CD58: variants seen among roughly 807,000 people sequenced by gnomAD.
CD58 encodes the protein lymphocyte function-associated antigen 3.
In CD58, 14 loss-of-function variants were observed where a neutral mutation model predicts 27.6. The observed-to-expected ratio is 0.51, with a 90% CI of 0.34 to 0.79. The LOEUF (loss-of-function observed/expected upper bound fraction) is 0.79, where lower values mean the gene tolerates loss of function less well. Among genes scored for constraint, CD58 ranks in the 30% least tolerant of loss-of-function variants. The pLI, the probability that CD58 is intolerant of heterozygous loss-of-function variation, is 0.02. For missense variants in CD58, 268 were observed against 301.7 expected, an observed-to-expected ratio of 0.89 and a Z score of 0.83; for synonymous variants, 117 against 103.8, an observed-to-expected ratio of 1.13 and a Z score of -0.77.
chr1:116,536,238 A>G lies in CD58; in HGVS notation c.365-10T>C, dbSNP rs1169644874. The G allele has an allele frequency of 1.1e-5, 18 of 1,595,246 alleles. No individual in the cohort carries two copies. The highest frequency in any genetic ancestry group is 1.5e-5 in the Non-Finnish European group (17 of 1,168,522). ...GGAGATGGAAGAGACTCTGGAAAAA[A>G]AAGTATAATATTTAGTACAGAAAAT... On this transcript the variant is annotated splice_polypyrimidine_tract_variant and intron_variant, in intron 2 of 5. Coordinates refer to ENST00000369489, the MANE Select transcript of CD58 (RefSeq NM_001779.3). This position sits in a 1 kb window ranked among gnomAD's most constrained non-coding sequence, Gnocchi z 5.4.
At chr1:116,568,878 T>C (rs1659032315) in intron 1 of CD58, among the ~76,000 whole-genome samples, 1 of 152,248 alleles carries the variant, frequency 6.6e-6, no homozygotes. Flanking sequence ...ATGCTGTTAA[T>C]CACTGCATTT....
At position 116,527,886 on chromosome 1, in the gene CD58, C is replaced by T. The variant is rs192381621; in HGVS notation, c.629-5903G>A. Reference sequence around the variant, plus strand: ...GAAGTGATCCTCCCACCTCAGTCTCCCAAGTAGCTAGGACTACAGACACAT... The same window carrying T: ...GAAGTGATCCTCCCACCTCAGTCTCTCAAGTAGCTAGGACTACAGACACAT... On this transcript the variant is annotated intron_variant, in intron 3 of 5. Transcript: ENST00000369489. This position sits in a 1 kb window ranked among gnomAD's most constrained non-coding sequence, Gnocchi z 4.4. Among the ~76,000 whole-genome samples the T allele has an allele frequency of 9.7e-4, 147 of 152,258 alleles. No individual in the cohort carries two copies. Among genetic ancestry groups the T allele is most frequent in the Middle Eastern group, 3.4e-3 (1 of 294 alleles).
chr1:116,537,798 A>T (rs553037583), intron 2 of CD58, among the ~76,000 whole-genome samples: 47 of 152,350 alleles, frequency 3.1e-4, no homozygotes, highest in African/African-American at 9.9e-4. Context: ...GCCTGAGGAA[A>T]CATGCAAAAA....
At chr1:116,558,756 G>A (rs1382964448) in intron 1 of CD58, among the ~76,000 whole-genome samples, 1 of 152,228 alleles carries the variant, frequency 6.6e-6, no homozygotes, top group Non-Finnish European at 1.5e-5. Flanking sequence ...CTCAGCCTCA[G>A]TAATAATATT....
chr1:116,544,595 C>A lies in CD58; in HGVS notation c.80G>T (p.Ser27Ile). ...VCLLHCFGFI[S>I]CFSQQIYGVV... ...ACCATATATTTGTTGGGAAAAACAG[C>A]TGATGAAACCTAGGAGAGAAAAAAA... Residue 27 changes from serine to isoleucine, a missense_variant, in exon 2 of 6, where the codon AGC (serine) becomes ATC (isoleucine). Physicochemically the swap from Ser to Ile is moderately radical, Grantham distance 142. Transcript: ENST00000369489. 6.3e-7 allele frequency: 1 copy of A among 1,575,028 alleles called. No homozygotes were observed. Among genetic ancestry groups the A allele is most frequent in the Non-Finnish European group, 8.6e-7 (1 of 1,162,906 alleles).
Position 116,552,606 on chromosome 1 carries a change from C to T in CD58, c.71-8002G>A, listed in dbSNP as rs1051083521. 1.3e-5 allele frequency among the ~76,000 whole-genome samples: 2 copies of T among 152,192 alleles called. No individual in the cohort carries two copies. Among genetic ancestry groups the T allele is most frequent in the African/African-American group, 4.8e-5 (2 of 41,432 alleles). ...TGGTCTTATGCACACTTCTCTACATCCCGCCTTTCCATTAATATGTCATAA... is the reference window on the plus strand; with the variant it reads ...TGGTCTTATGCACACTTCTCTACATTCCGCCTTTCCATTAATATGTCATAA... On this transcript the variant is annotated intron_variant, in intron 1 of 5. Transcript: ENST00000369489. The surrounding 1 kb of genome is among the most constrained non-coding windows in gnomAD (Gnocchi z 4.5).
rs987126183 is a variant in CD58, at chr1:116,519,743, T to C, written c.707-476A>G. Among the ~76,000 whole-genome samples the C allele has an allele frequency of 6.6e-6, 1 of 152,206 alleles. No homozygotes were observed. The highest frequency in any genetic ancestry group is 2.4e-5 in the African/African-American group (1 of 41,470). On this transcript the variant is annotated intron_variant, in intron 4 of 5. Coordinates refer to ENST00000369489, the MANE Select transcript of CD58 (RefSeq NM_001779.3). The surrounding 1 kb of genome is among the most constrained non-coding windows in gnomAD (Gnocchi z 4.7). ...AAACATTTTTTAATGAGATATTTTA[T>C]ATTCTTTCACACACGGTCTTAGAAA...
At position 116,517,572 on chromosome 1, in the gene CD58, C is replaced by T. The variant is rs138986734; in HGVS notation, c.743+1659G>A. Among the ~76,000 whole-genome samples the T allele has an allele frequency of 1.2e-3, 182 of 152,310 alleles. No homozygotes were observed. The highest frequency in any genetic ancestry group is 2.1e-3 in the Non-Finnish European group (141 of 68,008). ...CACAAAACCAAAGGTCTTAACCCCT[C>T]GCCTACCTCCTTGTCTCTGCAGCTT... On this transcript the variant is annotated intron_variant, in intron 5 of 5. Coordinates refer to ENST00000369489, the MANE Select transcript of CD58 (RefSeq NM_001779.3). The surrounding 1 kb of genome is among the most constrained non-coding windows in gnomAD (Gnocchi z 6.5).
chr1:116,565,728 T>G (rs1339844793), intron 1 of CD58, among the ~76,000 whole-genome samples: 3 of 138,626 alleles, frequency 2.2e-5, no homozygotes, highest in East Asian at 2.0e-4. Context: ...TGTTTTTTTG[T>G]TTTTTTTTTT....
chr1:116,533,606 A>G (rs1557835475), intron 3 of CD58: 1 of 705,628 alleles, frequency 1.4e-6, no homozygotes, highest in Non-Finnish European at 2.7e-6. Context: ...GTAAACCAGA[A>G]CTCTGGAATT....
intron 1 of CD58, among the ~76,000 whole-genome samples, chr1:116,558,677 A>G (rs966605322): frequency 1.3e-5 from 2 of 152,234 alleles, no homozygotes; most frequent in African/African-American, 4.8e-5. Context: ...TTTTAACTCA[A>G]TCAAGTTTCA....
intron 2 of CD58, among the ~76,000 whole-genome samples, chr1:116,543,280 GCAT>G (rs1658050645): frequency 6.6e-6 from 1 of 152,108 alleles, no homozygotes; most frequent in Non-Finnish European, 1.5e-5. Context: ...GTCAGCATCA[GCAT>G]CATCAAGGAC....
intron 1 of CD58, among the ~76,000 whole-genome samples, chr1:116,565,866 G>A (rs182495168): frequency 4.6e-5 from 7 of 152,016 alleles, no homozygotes; most frequent in African/African-American, 7.2e-5. Context: ...AATTACAGGC[G>A]TGTGCCACCA....
chr1:116,516,292 T>C lies in CD58; in HGVS notation c.744-1470A>G, dbSNP rs1010202451. ...TTATTAAATAGGCAGTAAACACACA[T>C]GATGCAGAACTTGAATAGTAAATAA... is the stretch of plus-strand genomic sequence containing the variant. On this transcript the variant is annotated intron_variant, in intron 5 of 5. Transcript: ENST00000369489. The surrounding 1 kb of genome is among the most constrained non-coding windows in gnomAD (Gnocchi z 6.1). Among the ~76,000 whole-genome samples the C allele has an allele frequency of 6.6e-6, 1 of 152,178 alleles. No individual in the cohort carries two copies. Among genetic ancestry groups the C allele is most frequent in the African/African-American group, 2.4e-5 (1 of 41,428 alleles).
rs1657983710 is a variant in CD58, at chr1:116,541,409, C to T, written c.364+2902G>A. Among the ~76,000 whole-genome samples the T allele has an allele frequency of 6.6e-6, 1 of 152,240 alleles. No individual in the cohort carries two copies. The highest frequency in any genetic ancestry group is 1.5e-5 in the Non-Finnish European group (1 of 68,044). On this transcript the variant is annotated intron_variant, in intron 2 of 5. Transcript: ENST00000369489. This position sits in a 1 kb window ranked among gnomAD's most constrained non-coding sequence, Gnocchi z 5.3. ...AGACCTCACATAGCCTTGCAAGTCG[C>T]TTTACACATTTTAGCTTTAACAGAG...
At chr1:116,530,804 G>T (rs181176729) in intron 3 of CD58, among the ~76,000 whole-genome samples, 2 of 152,218 alleles carry the variant, frequency 1.3e-5, no homozygotes, top group Admixed American at 1.3e-4. Flanking sequence ...ATCCTAGACT[G>T]TTACTGTTCA....
intron 3 of CD58, among the ~76,000 whole-genome samples, chr1:116,529,919 G>C (rs1279769815): frequency 6.6e-6 from 1 of 152,076 alleles, no homozygotes; most frequent in South Asian, 2.1e-4. Context: ...CCACAAAAAG[G>C]TCCTACTAGA....
intron 2 of CD58, among the ~76,000 whole-genome samples, chr1:116,539,558 T>C (rs1217181303): frequency 6.6e-6 from 1 of 152,124 alleles, no homozygotes; most frequent in Non-Finnish European, 1.5e-5. Context: ...ATGAAAGTAA[T>C]TTCAGGGGAA....
At chr1:116,537,391 T>C (rs1657846939) in intron 2 of CD58, among the ~76,000 whole-genome samples, 1 of 152,202 alleles carries the variant, frequency 6.6e-6, no homozygotes, top group African/African-American at 2.4e-5. Flanking sequence ...AAAAAAAATT[T>C]TAATTCCATA....
Sources: gnomAD v4.1 joint callset for allele counts (sites outside exome capture counted in the v4.1 genomes callset) on GRCh38, gnomAD v4.1.1 for gene constraint, Gnocchi (gnomAD v3.1) non-coding constraint, MANE v1.5 for transcripts, NCBI Gene and HGNC (gene_info 2026-07-23, HGNC 2026-07-21) for gene names.